WDR27: variants seen among roughly 807,000 people sequenced by gnomAD.
WDR27 encodes WD repeat-containing protein 27.
In WDR27, 100 loss-of-function variants were observed where a neutral mutation model predicts 114.4. The ratio of observed to expected loss-of-function variants is 0.87; its 90% CI spans 0.74 to 1.03. WDR27 has a LOEUF of 1.03. Ranked by LOEUF, WDR27 falls within the 50% of genes least tolerant of loss-of-function variation. The pLI is 0.00. For synonymous variants in WDR27, 449 were observed against 423.1 expected (o/e 1.06, Z -0.75); for missense variants, 1,129 against 1,092.9 (o/e 1.03, Z -0.47).
chr6:169,611,415 C>T (rs1200664227), intron 22 of WDR27, among the ~76,000 whole-genome samples: 13 of 149,298 alleles, frequency 8.7e-5, no homozygotes, highest in Admixed American at 6.7e-4. Flanking sequence ...AAGTGATTCT[C>T]CTGACTCATC....
Position 169,582,893 on chromosome 6 carries a change from C to A in WDR27, c.2466G>T (p.Arg822=). The stretch of plus-strand genomic sequence containing the variant: ...TGACAGTGTCTGTGTGCCCAGCCAG[C>A]CGGTGAGAAAACGTGCTTGAGCCCA... ...YEMGSSTFSH[R]LAGHTDTVTG... is the part of the protein sequence containing the mutation. The change falls in exon 24 of 26, where the codon CGG becomes CGT. Residue 822 remains arginine (R), a synonymous_variant. Coordinates refer to ENST00000448612, the MANE Select transcript of WDR27 (RefSeq NM_182552.5). 6.2e-7 allele frequency: 1 copy of A among 1,613,896 alleles called. No individual in the cohort carries two copies. The highest frequency in any genetic ancestry group is 8.5e-7 in the Non-Finnish European group (1 of 1,179,870).
At chr6:169,674,902 T>G (rs1429998291) in intron 2 of WDR27, among the ~76,000 whole-genome samples, 1 of 152,146 alleles carries the variant, frequency 6.6e-6, no homozygotes, top group African/African-American at 2.4e-5. Context: ...AGGGGAGTTG[T>G]TCTCTGGCGG....
chr6:169,554,512 T>C (rs1228197451), intron 25 of WDR27, among the ~76,000 whole-genome samples: 2 of 152,350 alleles, frequency 1.3e-5, no homozygotes, highest in South Asian at 2.1e-4. Flanking sequence ...GATATTAAAA[T>C]AGCCTGAAGT....
chr6:169,558,287 G>A (rs1469444472), intron 25 of WDR27: 1 of 152,010 alleles, frequency 6.6e-6, no homozygotes, highest in Non-Finnish European at 1.5e-5. Context: ...TGATATTCTG[G>A]CCTCAGGAAG....
At chr6:169,690,738 C>T (rs1204939740) in intron 1 of WDR27, among the ~76,000 whole-genome samples, 1 of 152,224 alleles carries the variant, frequency 6.6e-6, no homozygotes, top group Non-Finnish European at 1.5e-5. Flanking sequence ...GGACCTTCCG[C>T]TGCCTGCCTC....
chr6:169,577,420 G>C (rs919945950), intron 24 of WDR27, among the ~76,000 whole-genome samples: 18 of 151,336 alleles, frequency 1.2e-4, no homozygotes, highest in South Asian at 2.1e-4. Context: ...GACTTGGCGG[G>C]TATGGCTGCG....
chr6:169,472,351 G>A (rs1786536577), intron 25 of WDR27, among the ~76,000 whole-genome samples: 1 of 152,028 alleles, frequency 6.6e-6, no homozygotes, highest in African/African-American at 2.4e-5. Flanking sequence ...TTTATTACTT[G>A]GTTAACATTT....
chr6:169,625,115 C>T (rs915644730), intron 21 of WDR27, among the ~76,000 whole-genome samples: 2 of 152,228 alleles, frequency 1.3e-5, no homozygotes, highest in African/African-American at 4.8e-5. Flanking sequence ...TCCGCGCCAG[C>T]AGCAGGTCAT....
chr6:169,459,556 T>G (rs569960828), intron 25 of WDR27, among the ~76,000 whole-genome samples: 1 of 151,682 alleles, frequency 6.6e-6, no homozygotes, highest in Non-Finnish European at 1.5e-5. Context: ...TTTATATATG[T>G]ATATAAATGT....
At chr6:169,536,668 T>A (rs1266684260) in intron 25 of WDR27, among the ~76,000 whole-genome samples, 1 of 152,132 alleles carries the variant, frequency 6.6e-6, no homozygotes, top group East Asian at 1.9e-4. Context: ...GCTCTGGGAT[T>A]AGGCAGCTGG....
the WDR27 span, among the ~76,000 whole-genome samples, chr6:169,435,548 A>G: frequency 6.6e-6 from 1 of 152,234 alleles, no homozygotes; most frequent in African/African-American, 2.4e-5. Flanking sequence ...GACGTGAGAC[A>G]TGGAGTCAAA....
chr6:169,584,038 C>T (rs918867908), intron 23 of WDR27, among the ~76,000 whole-genome samples: 1 of 138,832 alleles, frequency 7.2e-6, no homozygotes, highest in South Asian at 2.3e-4. Context: ...GCTGCTGTTT[C>T]GTATCCTTTG....
chr6:169,621,471 T>G (rs538048811), intron 21 of WDR27, among the ~76,000 whole-genome samples: 2 of 150,698 alleles, frequency 1.3e-5, no homozygotes, highest in South Asian at 2.1e-4. Context: ...CATATACATA[T>G]GCACATGTGC....
Position 169,467,355 on chromosome 6 carries a change from C to A in WDR27, c.2646-9721G>T, listed in dbSNP as rs529455459. Reference sequence around the variant, plus strand: ...GTGGGGACTCTGTAGGGGCTCCAAACCCACATTTTCCTTCTGCACTGTCCT... The same window carrying A: ...GTGGGGACTCTGTAGGGGCTCCAAAACCACATTTTCCTTCTGCACTGTCCT... On this transcript the variant is annotated intron_variant, in intron 25 of 25. Coordinates refer to ENST00000448612, the MANE Select transcript of WDR27 (RefSeq NM_182552.5). Among the ~76,000 whole-genome samples the A allele has an allele frequency of 2.0e-5, 3 of 152,328 alleles. No homozygotes were observed. In the East Asian group the frequency reaches 5.8e-4, roughly 29 times the overall value.
chr6:169,434,904 G>T, the WDR27 span, among the ~76,000 whole-genome samples: 1 of 152,230 alleles, frequency 6.6e-6, no homozygotes, highest in South Asian at 2.1e-4. Flanking sequence ...TGGGAAAAAT[G>T]TCTCCAGGAC....
intron 21 of WDR27, among the ~76,000 whole-genome samples, chr6:169,625,497 CACAG>C (rs374846414): frequency 1.3e-5 from 2 of 152,228 alleles, no homozygotes; most frequent in African/African-American, 4.8e-5. Flanking sequence ...AGAGCAAGAG[CACAG>C]ACAGAGTGCA....
chr6:169,501,286 G>T (rs1791198421), intron 25 of WDR27, among the ~76,000 whole-genome samples: 1 of 152,088 alleles, frequency 6.6e-6, no homozygotes, highest in Non-Finnish European at 1.5e-5. Context: ...GTGTCCAGAC[G>T]GCCTGCAGGT....
intron 25 of WDR27, among the ~76,000 whole-genome samples, chr6:169,527,436 C>CA (rs1330947708): frequency 1.3e-4 from 20 of 152,080 alleles, no homozygotes; most frequent in African/African-American, 4.8e-4. Flanking sequence ...TCCATAGAAA[C>CA]AGAAATTAGA....
chr6:169,603,003 A>T (rs755291649), intron 22 of WDR27, among the ~76,000 whole-genome samples: 7 of 151,822 alleles, frequency 4.6e-5, no homozygotes, highest in Non-Finnish European at 1.0e-4. Flanking sequence ...CACCACACCC[A>T]GCTAATTTTT....
Sources: allele counts gnomAD v4.1 joint callset (sites outside exome capture counted in the v4.1 genomes callset), GRCh38; gene constraint gnomAD v4.1.1; transcripts MANE v1.5; gene names NCBI Gene and HGNC (gene_info 2026-07-23, HGNC 2026-07-21).